Variants in SIPA1L2 observed in about 807,000 individuals in gnomAD.
The protein encoded by SIPA1L2 is signal-induced proliferation-associated 1-like protein 2.
In SIPA1L2, 56 loss-of-function variants were observed where a neutral mutation model predicts 163.9. That is an observed-to-expected ratio of 0.34 (90% confidence interval 0.28 to 0.43). The LOEUF (loss-of-function observed/expected upper bound fraction) is 0.43. Among genes scored for constraint, SIPA1L2 ranks in the 20% least tolerant of loss-of-function variants. The pLI, the probability that SIPA1L2 is intolerant of heterozygous loss-of-function variation, is 1.00. For missense variants in SIPA1L2, 1,974 were observed against 2,193.5 expected, an observed-to-expected ratio of 0.90 and a Z score of 2.00; for synonymous variants, 877 against 865.7, an observed-to-expected ratio of 1.01 and a Z score of -0.23.
chr1:232,436,794 G>C (rs192890600), intron 15 of SIPA1L2, among the ~76,000 whole-genome samples: 118 of 152,280 alleles, frequency 7.7e-4, no homozygotes, highest in African/African-American at 2.7e-3. Context: ...TGCAGCTCGG[G>C]GGGCACGCAA....
At chr1:232,428,369 T>C (rs751539329) in intron 17 of SIPA1L2, 42 bp downstream of exon 17, 2 of 1,361,676 alleles carry the variant, frequency 1.5e-6, no homozygotes, top group East Asian at 5.4e-5. Context: ...TTTTTTTTTT[T>C]TTAGTGTTTC....
chr1:232,421,002 C>G (rs1476621203), intron 18 of SIPA1L2, among the ~76,000 whole-genome samples: 2 of 152,308 alleles, frequency 1.3e-5, no homozygotes, highest in East Asian at 3.9e-4. Flanking sequence ...ATACTAATGT[C>G]AAACAAGATG....
At chr1:232,418,009 G>A (rs1339738028) in intron 18 of SIPA1L2, among the ~76,000 whole-genome samples, 1 of 152,176 alleles carries the variant, frequency 6.6e-6, no homozygotes, top group African/African-American at 2.4e-5. Flanking sequence ...CATTTCTACA[G>A]AAAGTACATT....
chr1:232,599,818 T>C (rs1403239046), intron 1 of SIPA1L2, among the ~76,000 whole-genome samples: 1 of 152,216 alleles, frequency 6.6e-6, no homozygotes, highest in African/African-American at 2.4e-5. Flanking sequence ...TACAACACAA[T>C]CTGTCTGCTC....
rs758919851 is a variant in SIPA1L2 at position 232,410,030 on chromosome 1, C to T, written c.4762+5464G>A. ...TCTTTTGTATTTTCTATGTATAAAACCCTATCTAAATTTCTTTTATCTCCA... is the reference window on the plus strand; with the variant it reads ...TCTTTTGTATTTTCTATGTATAAAATCCTATCTAAATTTCTTTTATCTCCA... On this transcript the variant is annotated intron_variant, in intron 19 of 22. Transcript: ENST00000674635. Among the ~76,000 whole-genome samples the T allele has an allele frequency of 2.0e-5, 3 of 152,112 alleles. No individual in the cohort carries two copies. The East Asian group carries it at 5.8e-4, about 29-fold the overall frequency.
chr1:232,547,985 A>G (rs1422890901), intron 2 of SIPA1L2, among the ~76,000 whole-genome samples: 1 of 152,202 alleles, frequency 6.6e-6, no homozygotes, highest in African/African-American at 2.4e-5. Flanking sequence ...ACAACAGCAC[A>G]CACTGTGGCC....
chr1:232,460,986 A>G lies in SIPA1L2; in HGVS notation c.2996T>C (p.Val999Ala). The G allele has an allele frequency of 1.9e-6, 3 of 1,614,272 alleles. No homozygotes were observed. The highest frequency in any genetic ancestry group is 2.5e-6 in the Non-Finnish European group (3 of 1,180,048). ...CATCTGCTCGTGGGTCAGAGTGGCC[A>G]CGGCTACTTTGCAGATCTCCACGAG... is the stretch of plus-strand genomic sequence containing the variant. ...SRLVEICKVA[V>A]ATLTHEQMID... The change falls in exon 10 of 23, where the codon GTG (valine) becomes GCG (alanine). Residue 999 changes from valine (V) to alanine (A), a missense_variant. Physicochemically the swap from Val to Ala is moderately conservative, Grantham distance 64. This residue lies in a region of SIPA1L2 where 1,079 missense variants were observed against 1,150.7 expected (regional missense o/e 0.94). Coordinates refer to ENST00000674635, the MANE Select transcript of SIPA1L2 (RefSeq NM_020808.5).
At chr1:232,597,705 A>G (rs1661351886) in intron 1 of SIPA1L2, among the ~76,000 whole-genome samples, 1 of 150,068 alleles carries the variant, frequency 6.7e-6, no homozygotes, top group African/African-American at 2.5e-5. Flanking sequence ...AAAAAAAAAA[A>G]AAAAAAAAAA....
At chr1:232,487,953 C>T (rs981353279) in intron 5 of SIPA1L2, among the ~76,000 whole-genome samples, 1 of 148,430 alleles carries the variant, frequency 6.7e-6, no homozygotes, top group Non-Finnish European at 1.5e-5. Context: ...CACACACACA[C>T]ACGCACACAT....
intron 16 of SIPA1L2, among the ~76,000 whole-genome samples, chr1:232,429,195 C>A (rs1175989354): frequency 1.3e-5 from 2 of 152,170 alleles, no homozygotes; most frequent in African/African-American, 4.8e-5. Context: ...ACTGGGGAAT[C>A]ATTCTAAAAA....
At position 232,514,326 on chromosome 1, in the gene SIPA1L2, C is replaced by A. The variant is rs1240026051; in HGVS notation, c.1014G>T (p.Leu338Phe). 5 of 1,613,152 alleles carry A rather than the reference C, an allele frequency of 3.1e-6. No individual in the cohort carries two copies. Among genetic ancestry groups the A allele is most frequent in the African/African-American group, 1.3e-5 (1 of 74,938 alleles). Residue 338 changes from leucine (L) to phenylalanine (F), a missense_variant, in exon 3 of 23, where the codon TTG becomes TTT. Around this residue, in one of 3 missense-constraint regions of SIPA1L2, gnomAD observed 607 missense variants for 624.0 expected, o/e 0.97. Coordinates refer to ENST00000674635, the MANE Select transcript of SIPA1L2 (RefSeq NM_020808.5). ...CFAHYDVQSI[L>F]FNINEAMATR... ...TAGCCATGGCTTCGTTGATATTAAA[C>A]AAAATGCTCTGGACATCATAATGTG...
rs1666723873 is a variant in SIPA1L2, at chr1:232,506,164, C to A, written c.1483+7693G>T. Among the ~76,000 whole-genome samples, 3 of 152,158 alleles carry A rather than the reference C, an allele frequency of 2.0e-5. 1 individual carries two copies. Among genetic ancestry groups the A allele is most frequent in the East Asian group, 3.9e-4 (2 of 5,192 alleles). ...ACTTGTTTCTCTCTTCATCTTTGAA[C>A]CACTAAAAGAAAGTATTGCCCTCTA... On this transcript the variant is annotated intron_variant, in intron 3 of 22. Transcript: ENST00000674635.
At chr1:232,424,871 A>T (rs1181637115) in intron 18 of SIPA1L2, among the ~76,000 whole-genome samples, 3 of 152,178 alleles carry the variant, frequency 2.0e-5, no homozygotes, top group Non-Finnish European at 4.4e-5. Context: ...TTAAATTCCC[A>T]TTTTTTCTGT....
intron 18 of SIPA1L2, among the ~76,000 whole-genome samples, chr1:232,417,727 TTC>T (rs920445902): frequency 6.6e-6 from 1 of 152,214 alleles, no homozygotes; most frequent in African/African-American, 2.4e-5. Context: ...AAACACTTCC[TTC>T]TCTCTCTGCA....
At chr1:232,458,353 T>C (rs1270134167) in intron 10 of SIPA1L2, among the ~76,000 whole-genome samples, 1 of 152,232 alleles carries the variant, frequency 6.6e-6, no homozygotes, top group African/African-American at 2.4e-5. Context: ...GATAAAAAGA[T>C]AACAGCTGCT....
chr1:232,440,573 A>G (rs1338909275), intron 14 of SIPA1L2, among the ~76,000 whole-genome samples: 4 of 152,246 alleles, frequency 2.6e-5, no homozygotes, highest in Non-Finnish European at 5.9e-5. Context: ...TGTGTTTGCT[A>G]AGGGACAACT....
At chr1:232,506,080 G>C (rs1030448367) in intron 3 of SIPA1L2, among the ~76,000 whole-genome samples, 2 of 152,120 alleles carry the variant, frequency 1.3e-5, no homozygotes, top group Non-Finnish European at 2.9e-5. Flanking sequence ...AGTGTGTTTG[G>C]AATGGGGTGA....
rs1218686563 is a variant in SIPA1L2 at position 232,523,521 on chromosome 1, T to C, written c.-269-7913A>G. 2.0e-5 allele frequency among the ~76,000 whole-genome samples: 3 copies of C among 152,204 alleles called. No homozygotes were observed. In the East Asian group the frequency reaches 5.8e-4, roughly 29 times the overall value. Reference sequence around the variant, plus strand: ...AGGAGAAAAGAATTTCTACTTAATGTCAACCAATATAGACTGTACTTATTA... The same window carrying C: ...AGGAGAAAAGAATTTCTACTTAATGCCAACCAATATAGACTGTACTTATTA... On this transcript the variant is annotated intron_variant, in intron 2 of 22. Transcript: ENST00000674635.
chr1:232,448,233 A>C (rs1663330628), intron 10 of SIPA1L2, among the ~76,000 whole-genome samples: 2 of 152,226 alleles, frequency 1.3e-5, no homozygotes, highest in Non-Finnish European at 2.9e-5. Flanking sequence ...GACCAAAGTC[A>C]GCCTGCGAAG....
Sources: allele counts gnomAD v4.1 joint callset (sites outside exome capture counted in the v4.1 genomes callset), GRCh38; gene constraint gnomAD v4.1.1; regional missense constraint gnomAD v4.1.1; transcripts MANE v1.5; gene names NCBI Gene and HGNC (gene_info 2026-07-23, HGNC 2026-07-21).